The following MYZAP variants were observed in gnomAD, a reference collection of about 807,000 sequenced individuals.
MYZAP encodes GRINL1A complex locus upstream.
In MYZAP, 66 loss-of-function variants were observed where a neutral mutation model predicts 69.4. The observed-to-expected ratio is 0.95, with a 90% CI of 0.78 to 1.17. The LOEUF is 1.17. Among genes scored for constraint, MYZAP ranks in the 50% most tolerant of loss-of-function variants. The pLI is 0.00. For missense variants in MYZAP, 611 were observed against 556.2 expected (o/e 1.10, Z -0.99); for synonymous variants, 256 against 205.9 (o/e 1.24, Z -2.09).
At chr15:57,657,584 T>C (rs2038069595) in intron 10 of MYZAP, among the ~76,000 whole-genome samples, 1 of 152,210 alleles carries the variant, frequency 6.6e-6, no homozygotes, top group African/African-American at 2.4e-5. Flanking sequence ...ATGAAATTGA[T>C]ATTTCATAAT....
At chr15:57,658,478 T>C (rs2038115211) in intron 10 of MYZAP, among the ~76,000 whole-genome samples, 1 of 152,092 alleles carries the variant, frequency 6.6e-6, no homozygotes. Flanking sequence ...TTAGTTATGT[T>C]TCTAAAGTCT....
At chr15:57,630,823 G>T (rs1288208537) in intron 6 of MYZAP, among the ~76,000 whole-genome samples, 2 of 152,224 alleles carry the variant, frequency 1.3e-5, no homozygotes, top group African/African-American at 4.8e-5. Flanking sequence ...TATCTTATGA[G>T]TAGCGTATCC....
At chr15:57,607,809 A>AG (rs1446227560) in intron 2 of MYZAP, among the ~76,000 whole-genome samples, 3 of 152,134 alleles carry the variant, frequency 2.0e-5, no homozygotes, top group Non-Finnish European at 4.4e-5. Flanking sequence ...TGAAGTTTCT[A>AG]GGGGTAACTG....
chr15:57,642,842 A>G (rs565632816), intron 10 of MYZAP, among the ~76,000 whole-genome samples: 1 of 152,282 alleles, frequency 6.6e-6, no homozygotes, highest in South Asian at 2.1e-4. Context: ...CTTGATTTCC[A>G]TGGTGGGAGA....
At chr15:57,660,554 A>G (rs565040708) in intron 10 of MYZAP, among the ~76,000 whole-genome samples, 13 of 152,282 alleles carry the variant, frequency 8.5e-5, no homozygotes, top group South Asian at 2.1e-4. Flanking sequence ...GGCTCAAGCA[A>G]TCCTCCTCCC....
intron 11 of MYZAP, among the ~76,000 whole-genome samples, chr15:57,663,620 A>C (rs2038418829): frequency 6.6e-6 from 1 of 152,174 alleles, no homozygotes; most frequent in Non-Finnish European, 1.5e-5. Context: ...CCCATCAGTC[A>C]TTAGCTGAGG....
At chr15:57,634,900 A>G (rs1356552528) in intron 8 of MYZAP, among the ~76,000 whole-genome samples, 1 of 152,204 alleles carries the variant, frequency 6.6e-6, no homozygotes, top group Non-Finnish European at 1.5e-5. Flanking sequence ...AGATTGGGCA[A>G]CAAGGGAGCT....
At chr15:57,648,864 C>T (rs2037584815) in intron 10 of MYZAP, among the ~76,000 whole-genome samples, 1 of 149,150 alleles carries the variant, frequency 6.7e-6, no homozygotes, top group Non-Finnish European at 1.5e-5. Context: ...TGATTCTGTT[C>T]CTTTTCCTTC....
At chr15:57,610,391 C>T (rs975869868) in intron 2 of MYZAP, among the ~76,000 whole-genome samples, 19 of 152,176 alleles carry the variant, frequency 1.2e-4, no homozygotes, top group African/African-American at 3.9e-4. Flanking sequence ...TACAACCTCG[C>T]GGGCTGTTGC....
chr15:57,644,822 TC>T (rs1303670650), intron 10 of MYZAP, among the ~76,000 whole-genome samples: 3 of 152,136 alleles, frequency 2.0e-5, no homozygotes, highest in African/African-American at 7.2e-5. Context: ...AATACAAACT[TC>T]CCAAAGGCTA....
In MYZAP at chr15:57,616,808, TA is replaced by T. The variant is rs529035301; in HGVS notation, c.163-1215del. On this transcript the variant is annotated intron_variant, in intron 2 of 12. Coordinates refer to ENST00000267853, the MANE Select transcript of MYZAP (RefSeq NM_001018100.5). Reference sequence around the variant, plus strand: ...CTGGGTGACAGAGTGAGACTCCATCTAAAAAAAAAAGTGCTTTTTTTTTTTT... The same window carrying T: ...CTGGGTGACAGAGTGAGACTCCATCTAAAAAAAAAGTGCTTTTTTTTTTTT... 5.0e-3 allele frequency among the ~76,000 whole-genome samples: 568 copies of T among 112,788 alleles called. 8 individuals carry two copies. Among genetic ancestry groups the T allele is most frequent in the African/African-American group, 0.019 (521 of 27,710 alleles). The allele number at this position is 112,788 out of a possible 152,430, so 74.0% of individuals were successfully genotyped here.
chr15:57,646,844 G>A (rs1220719303), intron 10 of MYZAP: 2 of 985,342 alleles, frequency 2.0e-6, no homozygotes, highest in Non-Finnish European at 2.4e-6. Context: ...GAGTGTATCT[G>A]ATAAAGAGAA....
intron 11 of MYZAP, among the ~76,000 whole-genome samples, chr15:57,663,557 C>A (rs1484340809): frequency 6.6e-6 from 1 of 152,138 alleles, no homozygotes; most frequent in Non-Finnish European, 1.5e-5. Flanking sequence ...TGGAAGTGGC[C>A]CTGAGCTTTC....
intron 6 of MYZAP, 26 bp downstream of exon 6, chr15:57,629,880 T>C: frequency 6.2e-7 from 1 of 1,605,412 alleles, no homozygotes; most frequent in Non-Finnish European, 8.5e-7. Flanking sequence ...CTAGATTTAT[T>C]TTCTATGAAC....
chr15:57,613,841 A>T (rs1335054400), intron 2 of MYZAP, among the ~76,000 whole-genome samples: 3 of 152,288 alleles, frequency 2.0e-5, no homozygotes, highest in African/African-American at 7.2e-5. Flanking sequence ...CATCATCTGT[A>T]TCTCAGCATG....
chr15:57,685,213 TTA>T lies in MYZAP; in HGVS notation c.*719_*720del, dbSNP rs1482286406. 6 of 152,354 alleles carry T rather than the reference TTA, an allele frequency of 3.9e-5. No individual in the cohort carries two copies. In the East Asian group the frequency reaches 9.6e-4, roughly 24 times the overall value. The allele number at this position is 152,354 out of a possible 1,614,324, so 9.4% of individuals were successfully genotyped here. A position where few individuals can be genotyped will look rare whatever the true frequency, so the allele number is the denominator to read the frequency against. ...TTCTCACTTTAACTTAAAGAGAATT[TTA>T]TATGTCTTGGAAATTTAATAATTTA... On this transcript the variant is annotated 3_prime_UTR_variant, in exon 13 of 13. Transcript: ENST00000267853.
chr15:57,630,983 C>G (rs1248639320), intron 6 of MYZAP, among the ~76,000 whole-genome samples: 2 of 152,290 alleles, frequency 1.3e-5, no homozygotes, highest in South Asian at 2.1e-4. Flanking sequence ...CGCCCGGTCT[C>G]TGTATTGCCG....
At chr15:57,602,314 C>T (rs543251883) in intron 1 of MYZAP, among the ~76,000 whole-genome samples, 3 of 152,122 alleles carry the variant, frequency 2.0e-5, no homozygotes, top group Non-Finnish European at 4.4e-5. Context: ...AAGGTGTTGG[C>T]AAGGTTGGTT....
intron 1 of MYZAP, among the ~76,000 whole-genome samples, chr15:57,592,732 T>G (rs1263729959): frequency 2.0e-5 from 3 of 152,168 alleles, no homozygotes; most frequent in Non-Finnish European, 2.9e-5. Context: ...AGGTTTCCCT[T>G]TGGAAGTGCT....
Sources: gnomAD v4.1 joint callset for allele counts (sites outside exome capture counted in the v4.1 genomes callset) on GRCh38, gnomAD v4.1.1 for gene constraint, MANE v1.5 for transcripts, NCBI Gene and HGNC (gene_info 2026-07-23, HGNC 2026-07-21) for gene names.